Variants in GALNT7 observed in about 807,000 individuals in gnomAD.
The protein encoded by GALNT7 is polypeptide N-acetylgalactosaminyltransferase 7.
In GALNT7, 60 loss-of-function variants were observed where a neutral mutation model predicts 82.1. The ratio of observed to expected loss-of-function variants is 0.73; its 90% CI spans 0.59 to 0.91. GALNT7 has a LOEUF of 0.91. GALNT7 is among the 40% of genes least tolerant of loss of function. The probability of loss-of-function intolerance (pLI) is 0.00; values close to 1 mark genes in which losing one functional copy is unlikely to be tolerated. For synonymous variants in GALNT7, 243 were observed against 275.1 expected, an observed-to-expected ratio of 0.88 and a Z score of 1.15; for missense variants, 660 against 804.2, an observed-to-expected ratio of 0.82 and a Z score of 2.17.
At chr4:173,218,905 G>T (rs897480583) in intron 1 of GALNT7, among the ~76,000 whole-genome samples, 3 of 152,122 alleles carry the variant, frequency 2.0e-5, no homozygotes, top group African/African-American at 7.2e-5. Flanking sequence ...AGATAAATGA[G>T]TCATGGTCTC....
chr4:173,317,694 G>C lies in GALNT7; in HGVS notation c.1669G>C (p.Val557Leu), dbSNP rs1168610658. 1.9e-6 allele frequency: 3 copies of C among 1,612,940 alleles called. No homozygotes were observed. The highest frequency in any genetic ancestry group is 2.5e-6 in the Non-Finnish European group (3 of 1,178,990). Residue 557 changes from valine to leucine, a missense_variant, in exon 10 of 12, where the codon GTT (valine) becomes CTT (leucine). Physicochemically the swap from Val to Leu is conservative, Grantham distance 32 (BLOSUM62 1). Coordinates refer to ENST00000265000, the MANE Select transcript of GALNT7 (RefSeq NM_017423.3). ...CATGGGAAAAACAAATGGAGGCTTT[G>C]TTGAACTAGGACCCTGCCACAGGAT... ...DSMGKTNGGF[V>L]ELGPCHRMGG...
intron 1 of GALNT7, among the ~76,000 whole-genome samples, chr4:173,222,710 C>A (rs1733683057): frequency 6.6e-6 from 1 of 152,132 alleles, no homozygotes; most frequent in African/African-American, 2.4e-5. Flanking sequence ...CCCATTTTAT[C>A]AATGAGTTAA....
chr4:173,224,492 T>G (rs954271143), intron 1 of GALNT7, among the ~76,000 whole-genome samples: 1 of 152,244 alleles, frequency 6.6e-6, no homozygotes, highest in African/African-American at 2.4e-5. Flanking sequence ...ACCTTTTCAG[T>G]GGACAGTGCA....
chr4:173,280,827 A>T (rs2126807032), intron 2 of GALNT7, among the ~76,000 whole-genome samples: 1 of 152,320 alleles, frequency 6.6e-6, no homozygotes, highest in East Asian at 1.9e-4. Context: ...TTCTTACTAA[A>T]TCTTAATAGC....
chr4:173,297,728 C>A, intron 5 of GALNT7: 1 of 672,658 alleles, frequency 1.5e-6, no homozygotes, highest in Non-Finnish European at 2.2e-6. Context: ...AAAGAGATAA[C>A]GTAGTTAGGC....
intron 2 of GALNT7, among the ~76,000 whole-genome samples, chr4:173,284,989 T>G (rs1338014000): frequency 6.6e-6 from 1 of 152,210 alleles, no homozygotes; most frequent in Non-Finnish European, 1.5e-5. Context: ...TGCTTTTATT[T>G]CAAAGTTTAA....
Position 173,312,729 on chromosome 4 carries a change from CAT to C in GALNT7, c.1390-1226_1390-1225del, listed in dbSNP as rs1175439253. On this transcript the variant is annotated intron_variant, in intron 8 of 11. Coordinates refer to ENST00000265000, the MANE Select transcript of GALNT7 (RefSeq NM_017423.3). ...TATTTGTCAGCTATCACAGTGTCAG[CAT>C]ATTTTATTGCTCTATAGCTGCTTTT... Among the ~76,000 whole-genome samples, 6 of 152,354 alleles carry C rather than the reference CAT, an allele frequency of 3.9e-5. No homozygotes were observed. In the East Asian group the frequency reaches 1.2e-3, roughly 29 times the overall value.
At chr4:173,212,641 T>A (rs67028320) in intron 1 of GALNT7, among the ~76,000 whole-genome samples, 3 of 146,060 alleles carry the variant, frequency 2.1e-5, no homozygotes, top group East Asian at 2.0e-4. Context: ...TTTTTTTTTT[T>A]ATCAGCTATG....
chr4:173,176,657 A>G (rs1732053036), intron 1 of GALNT7, among the ~76,000 whole-genome samples: 1 of 152,148 alleles, frequency 6.6e-6, no homozygotes, highest in Non-Finnish European at 1.5e-5. Context: ...AGTGTATGGG[A>G]CTGGATGCTG....
At chr4:173,273,250 T>C (rs1486418065) in intron 2 of GALNT7, among the ~76,000 whole-genome samples, 1 of 152,132 alleles carries the variant, frequency 6.6e-6, no homozygotes, top group Non-Finnish European at 1.5e-5. Flanking sequence ...CAATAAACAT[T>C]TTAAGGAATG....
chr4:173,250,733 G>A (rs185355861), intron 2 of GALNT7, among the ~76,000 whole-genome samples: 188 of 152,098 alleles, frequency 1.2e-3, no homozygotes, highest in African/African-American at 4.3e-3. Flanking sequence ...AACTCCTAAC[G>A]TGCAGCAGCC....
rs774118713 is a variant in GALNT7, at chr4:173,304,126, T to G, written c.1389+8T>G. On this transcript the variant is annotated splice_region_variant and intron_variant, in intron 8 of 11. Coordinates refer to ENST00000265000, the MANE Select transcript of GALNT7 (RefSeq NM_017423.3). ...TCTTCTCCAACTCTGAAGGTGAGTT[T>G]TTTGGATAAAAGGGGAGGACAGGGA... The G allele has an allele frequency of 6.2e-7, 1 of 1,611,678 alleles. No homozygotes were observed. The highest frequency in any genetic ancestry group is 8.5e-7 in the Non-Finnish European group (1 of 1,179,158).
In GALNT7 at chr4:173,224,877, T is replaced by A. The variant is rs1041638675; in HGVS notation, c.127-23103T>A. On this transcript the variant is annotated intron_variant, in intron 1 of 11. Transcript: ENST00000265000. ...AATTAAAAAAAAAATTAGCCAGGCGTGGTGGCGCGCGCCTGTAGTCCCAGC... is the reference window on the plus strand; with the variant it reads ...AATTAAAAAAAAAATTAGCCAGGCGAGGTGGCGCGCGCCTGTAGTCCCAGC... Among the ~76,000 whole-genome samples, 3 of 150,990 alleles carry A rather than the reference T, an allele frequency of 2.0e-5. No homozygotes were observed. The East Asian group carries it at 5.8e-4, about 29-fold the overall frequency.
intron 1 of GALNT7, among the ~76,000 whole-genome samples, chr4:173,207,971 A>C (rs1366468631): frequency 6.6e-6 from 1 of 152,112 alleles, no homozygotes; most frequent in East Asian, 1.9e-4. Context: ...TTTTATTTAC[A>C]AATTGGTCAT....
At chr4:173,259,868 C>T (rs1345355741) in intron 2 of GALNT7, among the ~76,000 whole-genome samples, 3 of 152,118 alleles carry the variant, frequency 2.0e-5, no homozygotes, top group Non-Finnish European at 4.4e-5. Context: ...GAACTCTTGA[C>T]CTCAGGTGAT....
intron 1 of GALNT7, among the ~76,000 whole-genome samples, chr4:173,191,853 C>T (rs568281708): frequency 6.6e-6 from 1 of 152,182 alleles, no homozygotes; most frequent in South Asian, 2.1e-4. Context: ...CGAAAAACTA[C>T]TTAGTGGATT....
chr4:173,193,588 T>A (rs1402248265), intron 1 of GALNT7, among the ~76,000 whole-genome samples: 2 of 152,232 alleles, frequency 1.3e-5, no homozygotes, highest in African/African-American at 4.8e-5. Flanking sequence ...ACTTAGCTTT[T>A]TGTTGATCTT....
At chr4:173,318,928 A>G (rs544269531) in intron 11 of GALNT7, among the ~76,000 whole-genome samples, 8 of 152,128 alleles carry the variant, frequency 5.3e-5, no homozygotes, top group East Asian at 1.9e-4. Context: ...ATATTTAAAT[A>G]TATTTATACT....
Position 173,317,658 on chromosome 4 carries a change from T to C in GALNT7, c.1633T>C (p.Cys545Arg). Residue 545 changes from cysteine to arginine, a missense_variant, in exon 10 of 12, where the codon TGC becomes CGC. By Grantham distance (180) the Cys-to-Arg change is radical (BLOSUM62 -3). This residue lies in a region of GALNT7 where 527 missense variants were observed against 683.5 expected (regional missense o/e 0.77). Coordinates refer to ENST00000265000, the MANE Select transcript of GALNT7 (RefSeq NM_017423.3). Reference protein sequence around the residue: ...GEIRGFETAYCIDSMGKTNGG... With the variant: ...GEIRGFETAYRIDSMGKTNGG... Reference sequence around the variant, plus strand: ...GATCAGAGGCTTCGAAACTGCTTACTGCATTGATAGCATGGGAAAAACAAA... The same window carrying C: ...GATCAGAGGCTTCGAAACTGCTTACCGCATTGATAGCATGGGAAAAACAAA... The C allele has an allele frequency of 6.2e-7, 1 of 1,612,184 alleles. No homozygotes were observed. Among genetic ancestry groups the C allele is most frequent in the Non-Finnish European group, 8.5e-7 (1 of 1,178,324 alleles).
Sources: gnomAD v4.1 joint callset for allele counts (sites outside exome capture counted in the v4.1 genomes callset) on GRCh38, gnomAD v4.1.1 for gene constraint, gnomAD v4.1.1 regional missense constraint, MANE v1.5 for transcripts, NCBI Gene and HGNC (gene_info 2026-07-23, HGNC 2026-07-21) for gene names.